Variants in SOX5 observed in about 807,000 individuals in gnomAD.
SOX5 encodes the protein SRY-box transcription factor 5.
SOX5 carries 9 observed loss-of-function variants against 92.0 expected under a neutral mutation model. That is an observed-to-expected ratio of 0.10 (90% CI 0.06 to 0.17). The LOEUF (loss-of-function observed/expected upper bound fraction) is 0.17, where lower values mean the gene tolerates loss of function less well. Ranked by LOEUF, SOX5 falls within the 10% of genes least tolerant of loss-of-function variation. The pLI is 1.00. For missense variants in SOX5, 642 were observed against 944.5 expected, an observed-to-expected ratio of 0.68 and a Z score of 4.20; for synonymous variants, 344 against 336.3, an observed-to-expected ratio of 1.02 and a Z score of -0.25.
At chr12:24,411,540 A>G (rs1262841806) in intron 1 of SOX5, among the ~76,000 whole-genome samples, 1 of 152,094 alleles carries the variant, frequency 6.6e-6, no homozygotes, top group East Asian at 1.9e-4. Context: ...TTGTCAGTGC[A>G]CTTTTTGCAG....
intron 4 of SOX5, among the ~76,000 whole-genome samples, chr12:24,176,977 G>GTTTTTTTTTT (rs11295163): frequency 4.4e-5 from 6 of 135,096 alleles, no homozygotes; most frequent in Admixed American, 7.2e-5. Flanking sequence ...TTTGTTTTTT[G>GTTTTTTTTTT]TTTTTTTTTT....
chr12:24,263,552 A>C (rs1220607494), intron 3 of SOX5, among the ~76,000 whole-genome samples: 4 of 145,398 alleles, frequency 2.8e-5, no homozygotes, highest in African/African-American at 1.1e-4. Context: ...AAAAAAAAAA[A>C]CAAAAACAAG....
chr12:23,717,987 T>C (rs1489142602), intron 6 of SOX5, among the ~76,000 whole-genome samples: 1 of 152,176 alleles, frequency 6.6e-6, no homozygotes, highest in Admixed American at 6.5e-5. Flanking sequence ...GCCTAGATGA[T>C]AGTTATTAAA....
intron 3 of SOX5, among the ~76,000 whole-genome samples, chr12:24,238,626 G>C (rs914219496): frequency 3.3e-5 from 5 of 152,154 alleles, no homozygotes; most frequent in African/African-American, 1.2e-4. Flanking sequence ...CAAAGTGCTG[G>C]GATTACAGGA....
chr12:23,673,758 T>C (rs942642417), intron 6 of SOX5, among the ~76,000 whole-genome samples: 1 of 152,012 alleles, frequency 6.6e-6, no homozygotes, highest in Admixed American at 6.6e-5. Context: ...AATTACCAAA[T>C]GTCGGGAGGG....
At chr12:23,867,087 T>A (rs1478994419) in intron 2 of SOX5, among the ~76,000 whole-genome samples, 1 of 141,696 alleles carries the variant, frequency 7.1e-6, no homozygotes, top group Non-Finnish European at 1.6e-5. Context: ...TAGGTTTACT[T>A]CCTTGGGGAA....
chr12:24,094,687 A>C (rs1336899594), intron 4 of SOX5, among the ~76,000 whole-genome samples: 1 of 152,122 alleles, frequency 6.6e-6, no homozygotes, highest in African/African-American at 2.4e-5. Flanking sequence ...ACTTTTTCCC[A>C]TATGGATAAC....
rs537520955 is a variant in SOX5, at chr12:24,393,468, G to T, written c.-250-24829C>A. Among the ~76,000 whole-genome samples the T allele has an allele frequency of 3.3e-5, 5 of 152,132 alleles. No individual in the cohort carries two copies. The highest frequency in any genetic ancestry group is 7.3e-5 in the Non-Finnish European group (5 of 68,030). On this transcript the variant is annotated intron_variant, in intron 1 of 4. Coordinates refer to the SOX5 transcript ENST00000446891. The surrounding 1 kb of genome is among the most constrained non-coding windows in gnomAD (Gnocchi z 5.0). ...GGCTTGGAGGATAATCAGCTTTAGG[G>T]TCATCTGTACTGAGTCTACCACCCA... is the stretch of plus-strand genomic sequence containing the variant.
intron 4 of SOX5, among the ~76,000 whole-genome samples, chr12:24,149,854 A>T (rs1255882380): frequency 6.6e-6 from 1 of 152,192 alleles, no homozygotes. Flanking sequence ...GTATTATGTG[A>T]TACACACAAT....
chr12:24,302,315 A>G lies in SOX5; in HGVS notation c.-173-25003T>C, dbSNP rs115693136. Among the ~76,000 whole-genome samples the G allele has an allele frequency of 2.8e-3, 422 of 152,362 alleles. 4 individuals are homozygous for G. Among genetic ancestry groups the G allele is most frequent in the African/African-American group, 9.5e-3 (394 of 41,590 alleles). On this transcript the variant is annotated intron_variant, in intron 2 of 4. Coordinates refer to the SOX5 transcript ENST00000446891. ...AACATGTATCTGCTTATATGAATTTAACATTGTTATAGGTCTATTCACAAA... is the reference window on the plus strand; with the variant it reads ...AACATGTATCTGCTTATATGAATTTGACATTGTTATAGGTCTATTCACAAA...
At chr12:24,351,987 T>G (rs779601180) in intron 2 of SOX5, among the ~76,000 whole-genome samples, 1 of 152,238 alleles carries the variant, frequency 6.6e-6, no homozygotes, top group Admixed American at 6.5e-5. Context: ...AAAGGGACTG[T>G]GAAAGAGAAA....
At chr12:24,292,332 G>A (rs1209994284) in intron 2 of SOX5, among the ~76,000 whole-genome samples, 1 of 152,178 alleles carries the variant, frequency 6.6e-6, no homozygotes, top group Non-Finnish European at 1.5e-5. Flanking sequence ...GGAGACTAAT[G>A]CTTCAGGATT....
chr12:24,222,676 T>G (rs982019281), intron 3 of SOX5, among the ~76,000 whole-genome samples: 1 of 152,102 alleles, frequency 6.6e-6, no homozygotes, highest in African/African-American at 2.4e-5. Flanking sequence ...TTAGAGCATG[T>G]TTTGGGAGGG....
At chr12:23,537,538 TTAA>T (rs2135911806) in intron 13 of SOX5, among the ~76,000 whole-genome samples, 1 of 152,340 alleles carries the variant, frequency 6.6e-6, no homozygotes, top group South Asian at 2.1e-4. Context: ...CGATTTTCTC[TTAA>T]TAAATCAATT....
Position 24,452,693 on chromosome 12 carries a change from T to A in SOX5, c.-250-84054A>T, listed in dbSNP as rs374455980. 3.9e-5 allele frequency among the ~76,000 whole-genome samples: 6 copies of A among 152,168 alleles called. No individual in the cohort carries two copies. In the South Asian group the frequency reaches 8.3e-4, roughly 21 times the overall value. On this transcript the variant is annotated intron_variant, in intron 1 of 4. Transcript: ENST00000446891. ...TTGATGGGTTAGAGGGCAAGAAAGC[T>A]TAGGGGGAGAGAAGAGAAAGGAAAA...
chr12:24,491,755 T>C (rs1374321941), intron 1 of SOX5, among the ~76,000 whole-genome samples: 2 of 152,216 alleles, frequency 1.3e-5, no homozygotes, highest in African/African-American at 4.8e-5. Flanking sequence ...AAAGTATGTA[T>C]GTAGTGGAAC....
intron 1 of SOX5, among the ~76,000 whole-genome samples, chr12:23,915,600 T>C (rs752239362): frequency 6.6e-6 from 1 of 151,886 alleles, no homozygotes. Flanking sequence ...CCGAGAACTA[T>C]ACTAATAGTC....
At chr12:23,930,974 C>G (rs986884343) in intron 1 of SOX5, among the ~76,000 whole-genome samples, 1 of 151,740 alleles carries the variant, frequency 6.6e-6, no homozygotes, top group Non-Finnish European at 1.5e-5. Flanking sequence ...TTCATATTTT[C>G]CTTCATTGCA....
At chr12:24,529,882 T>C (rs1951027192) in intron 1 of SOX5, among the ~76,000 whole-genome samples, 1 of 151,966 alleles carries the variant, frequency 6.6e-6, no homozygotes, top group African/African-American at 2.4e-5. Context: ...TAGCTAGGCG[T>C]GGTGGCGGGC....
Sources: gnomAD v4.1 joint callset for allele counts (sites outside exome capture counted in the v4.1 genomes callset) on GRCh38, gnomAD v4.1.1 for gene constraint, Gnocchi (gnomAD v3.1) non-coding constraint, MANE v1.5 for transcripts, NCBI Gene and HGNC (gene_info 2026-07-23, HGNC 2026-07-21) for gene names.